The following KPNA7 variants were observed in gnomAD, a reference collection of about 807,000 sequenced individuals.
KPNA7 encodes the protein importin subunit alpha-8.
A neutral mutation model predicts 53.7 loss-of-function variants in KPNA7; 54 were observed. That is an observed-to-expected ratio of 1.01 (90% CI 0.81 to 1.26). KPNA7 has a LOEUF of 1.26. KPNA7 is among the 50% of genes most tolerant of loss of function. The pLI is 0.00. For synonymous variants in KPNA7, 276 were observed against 259.3 expected (o/e 1.06, Z -0.62); for missense variants, 640 against 644.5 (o/e 0.99, Z 0.07).
chr7:99,155,875 T>C, the KPNA7 span, among the ~76,000 whole-genome samples: 1 of 152,080 alleles, frequency 6.6e-6, no homozygotes, highest in Non-Finnish European at 1.5e-5. Flanking sequence ...CAGATTTATG[T>C]TTTGTCATTA....
Position 99,173,638 on chromosome 7 carries a change from G to A in KPNA7, c.*70C>T, listed in dbSNP as rs1798811437. 2.1e-6 allele frequency: 2 copies of A among 937,662 alleles called. No individual in the cohort carries two copies. Among genetic ancestry groups the A allele is most frequent in the South Asian group, 3.1e-5 (2 of 63,892 alleles). The allele number at this position is 937,662 out of a possible 1,614,324, so 58.1% of individuals were successfully genotyped here. On this transcript the variant is annotated 3_prime_UTR_variant, in exon 11 of 11. Coordinates refer to ENST00000327442, the MANE Select transcript of KPNA7 (RefSeq NM_001145715.3). ...TTCACATTTGGGTTACACTAAGATA[G>A]AGGACTGCTGCTTCTTAAAGAAGTT...
At chr7:99,162,736 C>T in the KPNA7 span, among the ~76,000 whole-genome samples, 1 of 152,128 alleles carries the variant, frequency 6.6e-6, no homozygotes, top group Non-Finnish European at 1.5e-5. Flanking sequence ...GGGCTTCCAG[C>T]TCTTTTAATT....
chr7:99,165,713 C>A, the KPNA7 span, among the ~76,000 whole-genome samples: 3 of 152,286 alleles, frequency 2.0e-5, no homozygotes, highest in African/African-American at 7.2e-5. Context: ...AGCTTAATCT[C>A]TACACTCAAC....
chr7:99,151,322 AT>A, the KPNA7 span, among the ~76,000 whole-genome samples: 8 of 151,974 alleles, frequency 5.3e-5, no homozygotes, highest in African/African-American at 1.9e-4. Context: ...TAAGATTTTG[AT>A]TTTTTTCTTC....
At chr7:99,217,910 C>T (rs1376368974) in intron 1 of KPNA7, among the ~76,000 whole-genome samples, 1 of 152,130 alleles carries the variant, frequency 6.6e-6, no homozygotes, top group African/African-American at 2.4e-5. Flanking sequence ...GGATTACAGG[C>T]GTGAGCCTCC....
chr7:99,187,916 C>T (rs1789701175), intron 7 of KPNA7, among the ~76,000 whole-genome samples: 1 of 150,266 alleles, frequency 6.7e-6, no homozygotes, highest in South Asian at 2.1e-4. Context: ...TGGCTCACAC[C>T]TCTAATCCCA....
chr7:99,207,068 C>T (rs1790851936), intron 2 of KPNA7, among the ~76,000 whole-genome samples: 2 of 151,832 alleles, frequency 1.3e-5, no homozygotes, highest in African/African-American at 2.4e-5. Flanking sequence ...GAGTTTCTCT[C>T]TTGTCGCCCA....
intron 6 of KPNA7, among the ~76,000 whole-genome samples, chr7:99,188,926 C>T (rs1189570913): frequency 6.6e-6 from 1 of 152,182 alleles, no homozygotes; most frequent in Non-Finnish European, 1.5e-5. Context: ...AAGTGATCTG[C>T]CGGCCTCAGC....
At chr7:99,208,005 C>T (rs921306268) in intron 1 of KPNA7, among the ~76,000 whole-genome samples, 23 bp downstream of exon 1, 1 of 151,988 alleles carries the variant, frequency 6.6e-6, no homozygotes, top group East Asian at 1.9e-4. Flanking sequence ...ACAGACTCCC[C>T]GTCCCCAACC....
At chr7:99,199,078 A>AAAAAAAAAAAAAAAAC (rs1790378506) in intron 3 of KPNA7, among the ~76,000 whole-genome samples, 1 of 150,596 alleles carries the variant, frequency 6.6e-6, no homozygotes, top group Non-Finnish European at 1.5e-5. Flanking sequence ...AAAAAAAAAA[A>AAAAAAAAAAAAAAAAC]AAAAAAAAAA....
intron 1 of KPNA7, among the ~76,000 whole-genome samples, chr7:99,217,442 T>C (rs1180891602): frequency 2.6e-5 from 4 of 152,090 alleles, no homozygotes; most frequent in Non-Finnish European, 2.9e-5. Flanking sequence ...GAGACTTATC[T>C]GCCAGGAAGG....
intron 3 of KPNA7, among the ~76,000 whole-genome samples, chr7:99,199,087 AAG>A (rs1440874977): frequency 6.7e-6 from 1 of 149,322 alleles, no homozygotes; most frequent in Non-Finnish European, 1.5e-5. Context: ...AAAAAAAAAA[AAG>A]GACTGAAATG....
intron 1 of KPNA7, among the ~76,000 whole-genome samples, chr7:99,213,429 T>TAA (rs1362791839): frequency 1.2e-5 from 1 of 85,498 alleles, no homozygotes; most frequent in Non-Finnish European, 2.3e-5. Context: ...ACCTGGCCTT[T>TAA]TAAAAAAAAA....
the KPNA7 span, among the ~76,000 whole-genome samples, chr7:99,164,372 G>A: frequency 6.6e-6 from 1 of 151,834 alleles, no homozygotes; most frequent in Non-Finnish European, 1.5e-5. Context: ...ATCATTCTCA[G>A]CAAACTATGG....
chr7:99,147,454 T>C, the KPNA7 span, among the ~76,000 whole-genome samples: 8 of 152,366 alleles, frequency 5.3e-5, no homozygotes, highest in Admixed American at 4.6e-4. Context: ...AATGTACTTA[T>C]GGAGCTGCTT....
chr7:99,167,700 C>G, the KPNA7 span, among the ~76,000 whole-genome samples: 2 of 135,382 alleles, frequency 1.5e-5, no homozygotes, highest in African/African-American at 2.8e-5. Context: ...AGGCTGGTCT[C>G]GAATTCCTGA....
the KPNA7 span, among the ~76,000 whole-genome samples, chr7:99,167,981 T>TCCCCCCCCCCCCCCCCCCCCCCCC: frequency 7.3e-6 from 1 of 137,546 alleles, no homozygotes. Flanking sequence ...CCCAAACCAT[T>TCCCCCCCCCCCCCCCCCCCCCCCC]CCCCCACCCC....
In KPNA7 at chr7:99,173,649, C is replaced by G. The variant is rs1162230536; in HGVS notation, c.*59G>C. The G allele has an allele frequency of 2.8e-6, 3 of 1,090,202 alleles. No homozygotes were observed. Among genetic ancestry groups the G allele is most frequent in the Non-Finnish European group, 2.7e-6 (2 of 739,126 alleles). 67.5% of individuals were successfully genotyped at this position (1,090,202 alleles called of 1,614,324 possible). On this transcript the variant is annotated 3_prime_UTR_variant, in exon 11 of 11. Transcript: ENST00000327442. The stretch of plus-strand genomic sequence containing the variant: ...GTTACACTAAGATAGAGGACTGCTG[C>G]TTCTTAAAGAAGTTATCCTTTAGCA...
At chr7:99,147,409 C>T in the KPNA7 span, among the ~76,000 whole-genome samples, 5 of 152,182 alleles carry the variant, frequency 3.3e-5, no homozygotes, top group Non-Finnish European at 7.3e-5. Context: ...AAGGCATGAA[C>T]GTGAATGGCA....
Sources: gnomAD v4.1 joint callset for allele counts (sites outside exome capture counted in the v4.1 genomes callset) on GRCh38, gnomAD v4.1.1 for gene constraint, MANE v1.5 for transcripts, NCBI Gene and HGNC (gene_info 2026-07-23, HGNC 2026-07-21) for gene names.